The following CDYL2 variants were observed in gnomAD, a reference collection of about 807,000 sequenced individuals.
The protein encoded by CDYL2 is chromodomain Y-like protein 2.
A neutral mutation model predicts 49.4 loss-of-function variants in CDYL2; 23 were observed. The ratio of observed to expected loss-of-function variants is 0.47; its 90% confidence interval spans 0.34 to 0.66. The LOEUF (loss-of-function observed/expected upper bound fraction) is 0.66, where lower values mean the gene tolerates loss of function less well. Among genes scored for constraint, CDYL2 ranks in the 30% least tolerant of loss-of-function variants. The pLI is 0.01. For missense variants in CDYL2, 678 were observed against 656.4 expected, an observed-to-expected ratio of 1.03 and a Z score of -0.36; for synonymous variants, 360 against 268.8, an observed-to-expected ratio of 1.34 and a Z score of -3.32.
rs149557557 is a variant in CDYL2, at chr16:80,684,671, G to A, written c.483C>T (p.Ala161=). 94 of 1,614,004 alleles carry A rather than the reference G, an allele frequency of 5.8e-5. 1 individual carries two copies. The highest frequency in any genetic ancestry group is 4.2e-4 in the East Asian group (19 of 44,886). The part of the protein sequence containing the change: ...KSQNGMENGD[A]GSEKDERHFG... ...AGTGCCTCTCATCCTTCTCAGAGCCGGCGTCCCCATTTTCCATCCCGTTCT... is the reference window on the plus strand; with the variant it reads ...AGTGCCTCTCATCCTTCTCAGAGCCAGCGTCCCCATTTTCCATCCCGTTCT... Residue 161 remains alanine (A), a synonymous_variant, in exon 2 of 7, where the codon GCC becomes GCT. Coordinates refer to ENST00000570137, the MANE Select transcript of CDYL2 (RefSeq NM_152342.4).
chr16:80,688,634 G>C (rs113086841), intron 1 of CDYL2, among the ~76,000 whole-genome samples: 34 of 152,288 alleles, frequency 2.2e-4, no homozygotes, highest in African/African-American at 7.9e-4. Context: ...TCAGGGGAAA[G>C]CTGGCTCCCA....
At chr16:80,792,998 T>C (rs1382287917) in intron 1 of CDYL2, among the ~76,000 whole-genome samples, 1 of 152,196 alleles carries the variant, frequency 6.6e-6, no homozygotes, top group African/African-American at 2.4e-5. Context: ...AGATCTTAGT[T>C]GTAACCTCAA....
intron 1 of CDYL2, among the ~76,000 whole-genome samples, chr16:80,721,104 C>A (rs1904983725): frequency 6.6e-6 from 1 of 152,124 alleles, no homozygotes; most frequent in Non-Finnish European, 1.5e-5. Context: ...TTCTCAGTGC[C>A]CCCACTTCTT....
At chr16:80,649,334 T>A (rs889114729) in intron 2 of CDYL2, among the ~76,000 whole-genome samples, 2 of 152,124 alleles carry the variant, frequency 1.3e-5, no homozygotes. Context: ...CATTTCTATA[T>A]GCCAACAGTA....
chr16:80,658,569 C>G (rs1470564959), intron 2 of CDYL2, among the ~76,000 whole-genome samples: 1 of 152,026 alleles, frequency 6.6e-6, no homozygotes, highest in Admixed American at 6.6e-5. Flanking sequence ...ATAGGATTCT[C>G]TCTGTGGAAG....
At chr16:80,678,498 G>A (rs1909845225) in intron 2 of CDYL2, among the ~76,000 whole-genome samples, 1 of 152,010 alleles carries the variant, frequency 6.6e-6, no homozygotes, top group Admixed American at 6.6e-5. Flanking sequence ...GCAGCCAAAA[G>A]ACACATGAAA....
intron 1 of CDYL2, among the ~76,000 whole-genome samples, chr16:80,799,328 G>A (rs1907856932): frequency 6.6e-6 from 1 of 152,066 alleles, no homozygotes; most frequent in Non-Finnish European, 1.5e-5. Context: ...GCAACTCCTA[G>A]AGAACACCAT....
At chr16:80,611,492 G>A (rs992116901) in intron 5 of CDYL2, among the ~76,000 whole-genome samples, 4 of 152,136 alleles carry the variant, frequency 2.6e-5, no homozygotes, top group African/African-American at 7.2e-5. Flanking sequence ...ACCCAGCAGC[G>A]TGGTGCCTCC....
chr16:80,617,242 G>T (rs1253941650), intron 4 of CDYL2, among the ~76,000 whole-genome samples: 1 of 152,190 alleles, frequency 6.6e-6, no homozygotes, highest in Non-Finnish European at 1.5e-5. Flanking sequence ...GGATGAGGAG[G>T]GGGTGAGAGT....
intron 2 of CDYL2, among the ~76,000 whole-genome samples, chr16:80,675,229 C>A (rs563830502): frequency 2.0e-5 from 3 of 152,290 alleles, no homozygotes; most frequent in East Asian, 3.9e-4. Context: ...TGGTCACAGA[C>A]CCCCAACAGC....
At chr16:80,746,814 T>C (rs1905948057) in intron 1 of CDYL2, among the ~76,000 whole-genome samples, 1 of 152,100 alleles carries the variant, frequency 6.6e-6, no homozygotes, top group African/African-American at 2.4e-5. Context: ...CATAACCCAT[T>C]ATTGTTGGCT....
chr16:80,709,561 G>C (rs201343546), intron 1 of CDYL2, among the ~76,000 whole-genome samples: 7,349 of 143,640 alleles, frequency 0.051, 629 homozygotes, highest in African/African-American at 0.18. Flanking sequence ...GGAATAAACA[G>C]ACACACACAC....
At chr16:80,726,526 C>T (rs1388496932) in intron 1 of CDYL2, among the ~76,000 whole-genome samples, 1 of 152,302 alleles carries the variant, frequency 6.6e-6, no homozygotes, top group South Asian at 2.1e-4. Flanking sequence ...ACATGCAATA[C>T]ATATTTACTG....
intron 1 of CDYL2, among the ~76,000 whole-genome samples, chr16:80,709,254 C>A (rs1478881207): frequency 6.6e-6 from 1 of 151,922 alleles, no homozygotes; most frequent in Non-Finnish European, 1.5e-5. Context: ...TGGTGGCGTG[C>A]ACCTGTAGCC....
intron 3 of CDYL2, among the ~76,000 whole-genome samples, chr16:80,630,271 GC>G (rs1907500717): frequency 2.0e-5 from 3 of 152,176 alleles, no homozygotes; most frequent in African/African-American, 7.2e-5. Flanking sequence ...AATTAACCAA[GC>G]CCGCAGCTCA....
chr16:80,721,206 A>G (rs1393375706), intron 1 of CDYL2, among the ~76,000 whole-genome samples: 1 of 149,790 alleles, frequency 6.7e-6, no homozygotes, highest in South Asian at 2.1e-4. Context: ...GTCATGTGCT[A>G]GCTGTTTGCT....
intron 1 of CDYL2, among the ~76,000 whole-genome samples, chr16:80,700,687 T>G (rs1362552990): frequency 1.3e-5 from 2 of 152,258 alleles, no homozygotes; most frequent in Non-Finnish European, 2.9e-5. Flanking sequence ...CTATATATGT[T>G]CTTAGCATAT....
At position 80,795,702 on chromosome 16, in the gene CDYL2, G is replaced by C. The variant is rs1480325895; in HGVS notation, c.24+8448C>G. On this transcript the variant is annotated intron_variant, in intron 1 of 6. Coordinates refer to ENST00000570137, the MANE Select transcript of CDYL2 (RefSeq NM_152342.4). Reference sequence around the variant, plus strand: ...AGGATAGGCCTCTCCTCAAGGTCCAGCACCACCATGCCTGCCATCCTGAGC... The same window carrying C: ...AGGATAGGCCTCTCCTCAAGGTCCACCACCACCATGCCTGCCATCCTGAGC... Among the ~76,000 whole-genome samples the C allele has an allele frequency of 2.0e-5, 3 of 152,168 alleles. No individual in the cohort carries two copies. The East Asian group carries it at 5.8e-4, about 29-fold the overall frequency.
chr16:80,666,412 C>A (rs940406360), intron 2 of CDYL2, among the ~76,000 whole-genome samples: 2 of 152,184 alleles, frequency 1.3e-5, no homozygotes, highest in African/African-American at 4.8e-5. Context: ...TAGCAAAGAA[C>A]TGCGCAAAAT....
Sources: allele counts gnomAD v4.1 joint callset (sites outside exome capture counted in the v4.1 genomes callset), GRCh38; gene constraint gnomAD v4.1.1; transcripts MANE v1.5; gene names NCBI Gene and HGNC (gene_info 2026-07-23, HGNC 2026-07-21).